The following NEBL variants were observed in gnomAD, a reference collection of about 807,000 sequenced individuals.
The protein encoded by NEBL is LIM and SH3 protein 2.
Under a neutral mutation model 140.2 loss-of-function variants are expected in NEBL, and 122 were observed. The ratio of observed to expected loss-of-function variants is 0.87; its 90% confidence interval spans 0.75 to 1.01. NEBL has a LOEUF of 1.01. Ranked by LOEUF, NEBL falls within the 50% of genes least tolerant of loss-of-function variation. The probability of loss-of-function intolerance (pLI) is 0.00; values close to 1 mark genes in which losing one functional copy is unlikely to be tolerated. For missense variants in NEBL, 1,365 were observed against 1,231.3 expected (o/e 1.11, Z -1.62); for synonymous variants, 436 against 398.9 (o/e 1.09, Z -1.11).
chr10:20,885,450 C>T (rs1278162743), intron 4 of NEBL, among the ~76,000 whole-genome samples: 1 of 152,190 alleles, frequency 6.6e-6, no homozygotes, highest in African/African-American at 2.4e-5. Context: ...AGTACATATG[C>T]ACCTTTCCCA....
chr10:20,868,950 A>T (rs1298747005), intron 6 of NEBL, among the ~76,000 whole-genome samples, 185 bp from the exon 7 acceptor site: 1 of 152,178 alleles, frequency 6.6e-6, no homozygotes, highest in Non-Finnish European at 1.5e-5. Flanking sequence ...ACATGAACAA[A>T]CTCAACTTTT....
intron 26 of NEBL, among the ~76,000 whole-genome samples, chr10:20,795,750 C>T (rs1303142616): frequency 1.3e-5 from 2 of 152,160 alleles, no homozygotes; most frequent in Non-Finnish European, 2.9e-5. Context: ...ATAGTGATGG[C>T]ACCTAACAAT....
At position 20,817,598 on chromosome 10, in the gene NEBL, A is replaced by T. The variant is rs1838852451; in HGVS notation, c.2148+2T>A. ...AGAAAAAAGTTACTAAGATGATCAC[A>T]CATTGCTGATGTTTTTCTGGTTTTC... On this transcript the variant is annotated splice_donor_variant, in intron 21 of 27. Transcript: ENST00000377122. LOFTEE classifies it high-confidence loss of function. 6.2e-7 allele frequency: 1 copy of T among 1,605,830 alleles called. No homozygotes were observed. Among genetic ancestry groups the T allele is most frequent in the African/African-American group, 1.3e-5 (1 of 74,744 alleles).
At chr10:20,880,947 A>G (rs1475442329) in intron 4 of NEBL, 43 bp from the exon 5 acceptor site, 2 of 1,497,314 alleles carry the variant, frequency 1.3e-6, no homozygotes, top group Admixed American at 3.3e-5. Context: ...AGAGGCATAT[A>G]AATTCTTGCC....
chr10:20,989,506 A>G (rs1837379464), intron 3 of NEBL, among the ~76,000 whole-genome samples: 1 of 152,218 alleles, frequency 6.6e-6, no homozygotes. Context: ...TTTAGAATGC[A>G]GTAATTTATA....
chr10:20,934,902 G>C (rs924246676), intron 4 of NEBL, among the ~76,000 whole-genome samples: 1 of 152,210 alleles, frequency 6.6e-6, no homozygotes, highest in Non-Finnish European at 1.5e-5. Context: ...AAAATGGGAA[G>C]AGAGATCTAG....
At chr10:20,984,252 A>G (rs913329805) in intron 3 of NEBL, among the ~76,000 whole-genome samples, 3 of 152,192 alleles carry the variant, frequency 2.0e-5, no homozygotes, top group African/African-American at 7.2e-5. Context: ...TCATTGTAAA[A>G]CAAACTATCG....
At chr10:21,040,344 A>T (rs945346146) in intron 2 of NEBL, among the ~76,000 whole-genome samples, 2 of 152,212 alleles carry the variant, frequency 1.3e-5, no homozygotes, top group Admixed American at 6.5e-5. Context: ...ATTCAAAAAA[A>T]AAAGAAAGAA....
chr10:20,819,597 G>A, intron 19 of NEBL, 81 bp from the exon 20 acceptor site: 4 of 1,493,748 alleles, frequency 2.7e-6, no homozygotes, highest in Non-Finnish European at 3.7e-6. Flanking sequence ...TTTTTTAAAT[G>A]TCACATGGCT....
chr10:21,199,166 G>T (rs558536345), intron 3 of NEBL, among the ~76,000 whole-genome samples: 1 of 151,132 alleles, frequency 6.6e-6, no homozygotes, highest in East Asian at 2.0e-4. Context: ...CTGGGACGAC[G>T]GGTGTGAGCC....
At chr10:21,204,245 G>A (rs1163265307) in intron 3 of NEBL, among the ~76,000 whole-genome samples, 1 of 152,132 alleles carries the variant, frequency 6.6e-6, no homozygotes, top group Non-Finnish European at 1.5e-5. Context: ...CAAACTGCTT[G>A]TCTTCTGTTA....
At chr10:21,027,327 T>G (rs370445408) in intron 2 of NEBL, among the ~76,000 whole-genome samples, 18 of 43,172 alleles carry the variant, frequency 4.2e-4, no homozygotes, top group Admixed American at 4.0e-3. Context: ...ACTTTTTTTG[T>G]TTTTTTTTTT....
intron 1 of NEBL, among the ~76,000 whole-genome samples, chr10:21,272,642 G>A (rs1241653313): frequency 6.6e-6 from 1 of 152,068 alleles, no homozygotes; most frequent in Non-Finnish European, 1.5e-5. Flanking sequence ...CAGATCCTCC[G>A]TTTGATAGCT....
intron 7 of NEBL, among the ~76,000 whole-genome samples, chr10:20,862,967 A>G (rs907185670): frequency 3.9e-5 from 6 of 152,152 alleles, no homozygotes; most frequent in African/African-American, 1.4e-4. Flanking sequence ...CATGCAGTGC[A>G]TAATAATCAC....
In NEBL at chr10:20,873,095, C is replaced by A. The variant is rs78404089; in HGVS notation, c.481-3254G>T. Among the ~76,000 whole-genome samples the A allele has an allele frequency of 5.8e-3, 882 of 152,214 alleles. 16 individuals carry two copies. The highest frequency in any genetic ancestry group is 0.053 in the East Asian group (274 of 5,172). ...CCTGTAACACTAGGTTTAAGGGAAG[C>A]TCATCTGACATTTCTCAATAAGTAT... On this transcript the variant is annotated intron_variant, in intron 5 of 27. Transcript: ENST00000377122.
chr10:20,936,471 T>C (rs969132935), intron 4 of NEBL, among the ~76,000 whole-genome samples: 8 of 152,318 alleles, frequency 5.3e-5, no homozygotes, highest in Middle Eastern at 3.4e-3. Context: ...CCAAATTCAG[T>C]CTGCTTGTCA....
intron 2 of NEBL, among the ~76,000 whole-genome samples, chr10:21,039,992 C>A (rs1266579533): frequency 6.6e-6 from 1 of 152,296 alleles, no homozygotes; most frequent in African/African-American, 2.4e-5. Flanking sequence ...TAGGATTACA[C>A]AGCCAGAGAA....
At chr10:21,210,389 T>C (rs1841896768) in intron 3 of NEBL, among the ~76,000 whole-genome samples, 1 of 151,702 alleles carries the variant, frequency 6.6e-6, no homozygotes, top group Non-Finnish European at 1.5e-5. Context: ...CAAAATTCTG[T>C]CTCAAAAAAA....
rs568955327 is a variant in NEBL at position 21,079,060 on chromosome 10, C to A, written c.165-58859G>T. On this transcript the variant is annotated intron_variant, in intron 2 of 6. Transcript: ENST00000417816. ...TGACAAATGGCACAGCAAATGCCCTCCTCTTAGGACTTTCCCTAGCTTTTC... is the reference window on the plus strand; with the variant it reads ...TGACAAATGGCACAGCAAATGCCCTACTCTTAGGACTTTCCCTAGCTTTTC... 7.2e-5 allele frequency among the ~76,000 whole-genome samples: 11 copies of A among 152,356 alleles called. No individual in the cohort carries two copies. The South Asian group carries it at 2.3e-3, about 32-fold the overall frequency.
Sources: allele counts gnomAD v4.1 joint callset (sites outside exome capture counted in the v4.1 genomes callset), GRCh38; gene constraint gnomAD v4.1.1; transcripts MANE v1.5; gene names NCBI Gene and HGNC (gene_info 2026-07-23, HGNC 2026-07-21).